Variants in KNL1 observed in about 807,000 individuals in gnomAD.
KNL1 encodes the protein kinetochore scaffold 1.
Under a neutral mutation model 201.3 loss-of-function variants are expected in KNL1, and 66 were observed. The ratio of observed to expected loss-of-function variants is 0.33; its 90% CI spans 0.27 to 0.40. The LOEUF is 0.40. Ranked by LOEUF, KNL1 falls within the 10% of genes least tolerant of loss-of-function variation. The pLI, the probability that KNL1 is intolerant of heterozygous loss-of-function variation, is 1.00. For synonymous variants in KNL1, 895 were observed against 899.2 expected, an observed-to-expected ratio of 1.00 and a Z score of 0.08; for missense variants, 2,815 against 2,690.5, an observed-to-expected ratio of 1.05 and a Z score of -1.02.
At chr15:40,652,452 ATTCT>A in intron 21 of KNL1, among the ~76,000 whole-genome samples, 1 of 124,188 alleles carries the variant, frequency 8.1e-6, no homozygotes, top group South Asian at 2.6e-4. Context: ...ATGGCTGGAG[ATTCT>A]TTTTTTTTTT....
chr15:40,644,981 CT>C lies in KNL1; in HGVS notation c.5799-12del. The C allele has an allele frequency of 6.3e-7, 1 of 1,576,656 alleles. No homozygotes were observed. The highest frequency in any genetic ancestry group is 1.1e-5 in the South Asian group (1 of 90,062). ...TTCTTTTCCCTACAGTGCTAATTAA[CT>C]TTTCCGTATTTTAGATTAAAGCTTT... On this transcript the variant is annotated splice_polypyrimidine_tract_variant and intron_variant, in intron 14 of 25. Transcript: ENST00000399668.
rs1892692356 is a variant in KNL1 at position 40,624,999 on chromosome 15, C to A, written c.4735C>A (p.Leu1579Ile). The A allele has an allele frequency of 1.2e-6, 2 of 1,613,886 alleles. No individual in the cohort carries two copies. The highest frequency in any genetic ancestry group is 1.7e-5 in the Admixed American group (1 of 59,990). The part of the protein sequence containing the change: ...GEFLAFQTVH[L>I]PPLPEQLLEL... ...GTTTTTAGCCTTTCAAACTGTTCAT[C>A]TACCACCCCTTCCAGAGCAATTACT... The change falls in exon 10 of 26, where the codon CTA becomes ATA. Residue 1579 changes from leucine (L) to isoleucine (I), a missense_variant. Transcript: ENST00000399668.
chr15:40,650,775 AG>A (rs1307321634), intron 19 of KNL1, among the ~76,000 whole-genome samples, 192 bp downstream of exon 19: 1 of 152,196 alleles, frequency 6.6e-6, no homozygotes, highest in Admixed American at 6.5e-5. Flanking sequence ...TATTGTTTAC[AG>A]GGCATTTATC....
At chr15:40,647,282 C>T (rs1472270118) in intron 17 of KNL1, among the ~76,000 whole-genome samples, 7 of 151,960 alleles carry the variant, frequency 4.6e-5, no homozygotes, top group Admixed American at 4.6e-4. Context: ...TGAGACCAGC[C>T]TGGCCAACAT....
chr15:40,624,523 G>C lies in KNL1; in HGVS notation c.4259G>C (p.Arg1420Pro), dbSNP rs777088535. Residue 1420 changes from arginine (R) to proline (P), a missense_variant, in exon 10 of 26, where the codon CGA becomes CCA. Arg to Pro is a moderately radical substitution (Grantham distance 103). Transcript: ENST00000399668. Reference protein sequence around the residue: ...LGEMTKLNSKRVSFKLPKDQM... With the variant: ...LGEMTKLNSKPVSFKLPKDQM... Reference sequence around the variant, plus strand: ...GAGATGACTAAACTTAATTCAAAGCGAGTATCTTTTAAGCTTCCAAAGGAT... The same window carrying C: ...GAGATGACTAAACTTAATTCAAAGCCAGTATCTTTTAAGCTTCCAAAGGAT... 1.9e-6 allele frequency: 3 copies of C among 1,613,576 alleles called. No homozygotes were observed. Among genetic ancestry groups the C allele is most frequent in the Non-Finnish European group, 2.5e-6 (3 of 1,179,870 alleles).
chr15:40,657,743 T>G (rs546150566), intron 24 of KNL1, among the ~76,000 whole-genome samples: 19 of 152,312 alleles, frequency 1.2e-4, no homozygotes, highest in African/African-American at 4.6e-4. Flanking sequence ...ACATTTCCCC[T>G]TTTTATAAGG....
rs532180323 is a variant in KNL1 at position 40,629,660 on chromosome 15, C to A, written c.5682+289C>A. Among the ~76,000 whole-genome samples the A allele has an allele frequency of 4.0e-5, 6 of 151,836 alleles. No individual in the cohort carries two copies. The South Asian group carries it at 1.0e-3, about 26-fold the overall frequency. ...CTGGGACTACAGGCGCGTGCCACCA[C>A]ACCCGGCTAATTTTTGTATTTTTGT... On this transcript the variant is annotated intron_variant, in intron 13 of 25. Coordinates refer to ENST00000399668, the MANE Select transcript of KNL1 (RefSeq NM_144508.5).
chr15:40,605,126 C>A lies in KNL1; in HGVS notation c.52C>A (p.Pro18Thr). Residue 18 changes from proline to threonine, a missense_variant, in exon 3 of 26, where the codon CCT (proline) becomes ACT (threonine). Pro to Thr is a conservative substitution (Grantham distance 38). Coordinates refer to ENST00000399668, the MANE Select transcript of KNL1 (RefSeq NM_144508.5). Reference protein sequence around the residue: ...ANEENDNIERPVRRRHSSILK... With the variant: ...ANEENDNIERTVRRRHSSILK... ...CTTTTTCAGTGACAATATAGAGAGA[C>A]CTGTTAGAAGACGGCATTCTTCAGT... The A allele has an allele frequency of 6.7e-7, 1 of 1,482,192 alleles. No individual in the cohort carries two copies. Among genetic ancestry groups the A allele is most frequent in the Non-Finnish European group, 9.4e-7 (1 of 1,061,632 alleles). The allele number at this position is 1,482,192 out of a possible 1,614,324, so 91.8% of individuals were successfully genotyped here.
At chr15:40,607,040 G>A (rs757263404) in intron 4 of KNL1, among the ~76,000 whole-genome samples, 3 of 152,322 alleles carry the variant, frequency 2.0e-5, no homozygotes, top group South Asian at 2.1e-4. Context: ...CATTACAGGC[G>A]TGAGCCACTG....
At chr15:40,607,190 G>A (rs536168554) in intron 4 of KNL1, among the ~76,000 whole-genome samples, 1 of 152,338 alleles carries the variant, frequency 6.6e-6, no homozygotes, top group East Asian at 1.9e-4. Context: ...ATGAGCCATC[G>A]TGCTGGGCCT....
intron 18 of KNL1, 82 bp from the exon 19 acceptor site, chr15:40,650,462 G>A: frequency 1.3e-6 from 2 of 1,564,726 alleles, no homozygotes; most frequent in Non-Finnish European, 1.7e-6. Context: ...GTGAGATTAA[G>A]TCAGAATTTT....
chr15:40,601,727 AGGAGAAT>A (rs1219798728), intron 1 of KNL1, among the ~76,000 whole-genome samples: 1 of 149,710 alleles, frequency 6.7e-6, no homozygotes, highest in Admixed American at 6.6e-5. Context: ...AGGCTGAGGC[AGGAGAAT>A]GGAGAATGGC....
At chr15:40,597,271 G>A (rs1891648702) in intron 1 of KNL1, among the ~76,000 whole-genome samples, 1 of 151,866 alleles carries the variant, frequency 6.6e-6, no homozygotes, top group African/African-American at 2.4e-5. Flanking sequence ...TTCTTTTCGA[G>A]ACAGAGTCTC....
intron 5 of KNL1, 34 bp from the exon 6 acceptor site, chr15:40,610,211 G>T (rs765519998): frequency 1.2e-5 from 13 of 1,122,198 alleles, no homozygotes; most frequent in Non-Finnish European, 1.6e-5. Flanking sequence ...ATTACAAATT[G>T]CAGGTTTTCA....
At chr15:40,639,127 G>T (rs1172372666) in intron 13 of KNL1, among the ~76,000 whole-genome samples, 1 of 148,256 alleles carries the variant, frequency 6.7e-6, no homozygotes, top group Non-Finnish European at 1.5e-5. Context: ...ATATAGTTTT[G>T]ATTTTTATGT....
chr15:40,620,943 TGTA>T lies in KNL1; in HGVS notation c.682_684del (p.Ser228del). 1.2e-6 allele frequency: 2 copies of T among 1,606,130 alleles called. No individual in the cohort carries two copies. The highest frequency in any genetic ancestry group is 1.7e-6 in the Non-Finnish European group (2 of 1,177,966). On this transcript the variant is annotated inframe_deletion, in exon 10 of 26. Transcript: ENST00000399668. ...CATAAAAAGATTGAAAACAGGAAAA[TGTA>T]GTGCTTTTCCTGATGTGCCTGATAA... is the stretch of plus-strand genomic sequence containing the variant.
rs1299336224 is a variant in KNL1 at position 40,611,464 on chromosome 15, A to G, written c.251-14A>G. 1 of 231,720 alleles carries G rather than the reference A, an allele frequency of 4.3e-6. No individual in the cohort carries two copies. Among genetic ancestry groups the G allele is most frequent in the Non-Finnish European group, 8.3e-6 (1 of 120,560 alleles). The allele number at this position is 231,720 out of a possible 1,614,324, so 14.4% of individuals were successfully genotyped here. A position where few individuals can be genotyped will look rare whatever the true frequency, so the allele number is the denominator to read the frequency against. On this transcript the variant is annotated splice_polypyrimidine_tract_variant and intron_variant, in intron 6 of 25. Transcript: ENST00000399668. ...TGTATCCTTGGACAAATTTAATTTT[A>G]ATTTTATTTTTAGAAACAGAAACAG...
chr15:40,638,858 C>G lies in KNL1; in HGVS notation c.5683-2054C>G, dbSNP rs1027962236. Among the ~76,000 whole-genome samples the G allele has an allele frequency of 2.0e-5, 3 of 150,284 alleles. No homozygotes were observed. In the Admixed American group the frequency reaches 2.0e-4, roughly 10 times the overall value. On this transcript the variant is annotated intron_variant, in intron 13 of 25. Coordinates refer to ENST00000399668, the MANE Select transcript of KNL1 (RefSeq NM_144508.5). ...CGCAGTTTCGCTCTTGTTGCACAGG[C>G]TGGAGTGCAATGGCACTGTCTCTGC...
At chr15:40,628,742 T>G in intron 12 of KNL1, 64 bp downstream of exon 12, 1 of 1,010,582 alleles carries the variant, frequency 9.9e-7, no homozygotes, top group Non-Finnish European at 1.5e-6. Context: ...GTCTCATTTC[T>G]AATACACGTA....
Sources: gnomAD v4.1 joint callset for allele counts (sites outside exome capture counted in the v4.1 genomes callset) on GRCh38, gnomAD v4.1.1 for gene constraint, MANE v1.5 for transcripts, NCBI Gene and HGNC (gene_info 2026-07-23, HGNC 2026-07-21) for gene names.